Variants in FARS2 observed in about 807,000 individuals in gnomAD.
FARS2 encodes phenylalanine--tRNA ligase, mitochondrial.
A neutral mutation model predicts 46.4 loss-of-function variants in FARS2; 40 were observed. The observed-to-expected ratio is 0.86, with a 90% confidence interval of 0.67 to 1.12. FARS2 has a LOEUF of 1.12. Ranked by LOEUF, FARS2 falls within the 50% of genes most tolerant of loss-of-function variation. The pLI is 0.00. For missense variants in FARS2, 513 were observed against 567.9 expected, an observed-to-expected ratio of 0.90 and a Z score of 0.98; for synonymous variants, 234 against 214.9, an observed-to-expected ratio of 1.09 and a Z score of -0.78.
intron 6 of FARS2, among the ~76,000 whole-genome samples, chr6:5,656,795 C>A (rs577799508): frequency 6.6e-6 from 1 of 152,276 alleles, no homozygotes; most frequent in African/African-American, 2.4e-5. Context: ...GTGATCCACC[C>A]TCCTCGGCCT....
At chr6:5,489,372 T>G (rs559156944) in intron 4 of FARS2, among the ~76,000 whole-genome samples, 1 of 152,254 alleles carries the variant, frequency 6.6e-6, no homozygotes, top group Admixed American at 6.5e-5. Flanking sequence ...TGGAATCACT[T>G]GAACCTGGGA....
chr6:5,598,984 G>T (rs1020520675), intron 5 of FARS2, among the ~76,000 whole-genome samples: 1 of 152,184 alleles, frequency 6.6e-6, no homozygotes, highest in Non-Finnish European at 1.5e-5. Flanking sequence ...TGTGGATTCA[G>T]GCAAATTCAA....
intron 6 of FARS2, among the ~76,000 whole-genome samples, chr6:5,688,179 G>A (rs1757400837): frequency 1.3e-5 from 2 of 152,174 alleles, no homozygotes; most frequent in African/African-American, 4.8e-5. Flanking sequence ...TTTCCTAATT[G>A]AATACACTTT....
chr6:5,489,553 C>A (rs1766976477), intron 4 of FARS2, among the ~76,000 whole-genome samples: 1 of 152,190 alleles, frequency 6.6e-6, no homozygotes. Flanking sequence ...TCCTTTGATT[C>A]TCTTTCATCT....
Position 5,647,934 on chromosome 6 carries a change from CATT to C in FARS2, c.1217+34618_1217+34620del, listed in dbSNP as rs1446285711. Among the ~76,000 whole-genome samples, 16 of 152,298 alleles carry C rather than the reference CATT, an allele frequency of 1.1e-4. No individual in the cohort carries two copies. In the East Asian group the frequency reaches 3.1e-3, roughly 29 times the overall value. ...GAATCACAGCTCGGTATTCACTCAC[CATT>C]ATTTTCATTTCTCTGTCCTTCACTT... On this transcript the variant is annotated intron_variant, in intron 6 of 6. Transcript: ENST00000274680.
At chr6:5,268,372 A>T (rs551572044) in intron 1 of FARS2, among the ~76,000 whole-genome samples, 3 of 152,122 alleles carry the variant, frequency 2.0e-5, no homozygotes, top group Non-Finnish European at 4.4e-5. Context: ...ATCTCACATT[A>T]ATTTTTGTAT....
chr6:5,454,869 G>C (rs1338217044), intron 4 of FARS2, among the ~76,000 whole-genome samples: 1 of 152,136 alleles, frequency 6.6e-6, no homozygotes, highest in Non-Finnish European at 1.5e-5. Context: ...TTCCTTTGCT[G>C]GGACTGCCTG....
intron 2 of FARS2, among the ~76,000 whole-genome samples, chr6:5,395,593 T>G (rs1760854800): frequency 6.6e-6 from 1 of 152,184 alleles, no homozygotes; most frequent in African/African-American, 2.4e-5. Context: ...AATATTCCCC[T>G]CCATTTCATC....
rs1056413064 is a variant in FARS2 at position 5,398,095 on chromosome 6, C to T, written c.613-6447C>T. Among the ~76,000 whole-genome samples the T allele has an allele frequency of 4.1e-4, 62 of 152,154 alleles. 1 individual carries two copies. The highest frequency in any genetic ancestry group is 9.4e-4 in the African/African-American group (39 of 41,492). On this transcript the variant is annotated intron_variant, in intron 2 of 6. Coordinates refer to ENST00000274680, the MANE Select transcript of FARS2 (RefSeq NM_006567.5). ...AAATGTGGCATCCATTAGGATTCTC[C>T]GCCATTATTATTTTCCCCTTTGTAG... is the stretch of plus-strand genomic sequence containing the variant.
At chr6:5,593,775 C>T (rs925099154) in intron 5 of FARS2, among the ~76,000 whole-genome samples, 15 of 152,250 alleles carry the variant, frequency 9.9e-5, no homozygotes, top group Middle Eastern at 3.4e-3. Context: ...TATGGCATTT[C>T]GGGGCAGTGG....
chr6:5,637,412 C>A (rs1288926127), intron 6 of FARS2, among the ~76,000 whole-genome samples: 1 of 152,196 alleles, frequency 6.6e-6, no homozygotes, highest in Non-Finnish European at 1.5e-5. Flanking sequence ...ACCCATGACC[C>A]GTGCAGCGTT....
At chr6:5,641,418 G>A (rs749930539) in intron 6 of FARS2, among the ~76,000 whole-genome samples, 36 of 152,002 alleles carry the variant, frequency 2.4e-4, no homozygotes, top group Non-Finnish European at 3.8e-4. Flanking sequence ...TGCCTCAGCC[G>A]CCCATGTAGC....
intron 5 of FARS2, chr6:5,609,962 C>A: frequency 7.9e-7 from 1 of 1,271,828 alleles, no homozygotes; most frequent in Non-Finnish European, 1.1e-6. Flanking sequence ...ACTCTTCCAT[C>A]CACCTTGTGT....
intron 6 of FARS2, among the ~76,000 whole-genome samples, chr6:5,689,771 G>A (rs1376177978): frequency 2.6e-5 from 4 of 152,118 alleles, no homozygotes; most frequent in African/African-American, 4.8e-5. Flanking sequence ...TTCCTGTCTC[G>A]TTGATCTGTC....
chr6:5,602,560 T>A (rs1774583323), intron 5 of FARS2, among the ~76,000 whole-genome samples: 1 of 140,074 alleles, frequency 7.1e-6, no homozygotes, highest in Non-Finnish European at 1.5e-5. Flanking sequence ...GGCAGGAGAA[T>A]CACTTGGACC....
intron 3 of FARS2, among the ~76,000 whole-genome samples, chr6:5,428,696 G>T (rs1055519071): frequency 2.0e-5 from 3 of 152,142 alleles, no homozygotes; most frequent in Non-Finnish European, 2.9e-5. Flanking sequence ...GGGAATTGTT[G>T]GTCCCAAAGA....
intron 1 of FARS2, among the ~76,000 whole-genome samples, chr6:5,353,973 C>T (rs1757755199): frequency 6.8e-6 from 1 of 147,902 alleles, no homozygotes; most frequent in Non-Finnish European, 1.5e-5. Context: ...TTTCTTGTAA[C>T]AGTGGTCACA....
intron 5 of FARS2, among the ~76,000 whole-genome samples, chr6:5,573,273 A>G (rs1772761642): frequency 6.6e-6 from 1 of 152,056 alleles, no homozygotes; most frequent in African/African-American, 2.4e-5. Flanking sequence ...CTCTTAGAAA[A>G]CACCCTCCTC....
intron 4 of FARS2, among the ~76,000 whole-genome samples, chr6:5,514,182 A>G (rs1768643684): frequency 6.6e-6 from 1 of 152,088 alleles, no homozygotes; most frequent in African/African-American, 2.4e-5. Context: ...CAGATTCACA[A>G]ATATGCAGCC....
Sources: gnomAD v4.1 joint callset for allele counts (sites outside exome capture counted in the v4.1 genomes callset) on GRCh38, gnomAD v4.1.1 for gene constraint, MANE v1.5 for transcripts, NCBI Gene and HGNC (gene_info 2026-07-23, HGNC 2026-07-21) for gene names.